DNAJB6: variants seen among roughly 807,000 people sequenced by gnomAD.
DNAJB6 encodes dnaJ homolog subfamily B member 6.
DNAJB6 carries 16 observed loss-of-function variants against 42.7 expected under a neutral mutation model. That is an observed-to-expected ratio of 0.37 (90% CI 0.25 to 0.57). The LOEUF (loss-of-function observed/expected upper bound fraction) is 0.57, where lower values mean the gene tolerates loss of function less well. DNAJB6 is among the 20% of genes least tolerant of loss of function. The pLI, the probability that DNAJB6 is intolerant of heterozygous loss-of-function variation, is 0.74. For missense variants in DNAJB6, 347 were observed against 416.8 expected (o/e 0.83, Z 1.46); for synonymous variants, 170 against 163.5 (o/e 1.04, Z -0.30).
At chr7:157,376,324 C>T (rs1800470254) in intron 5 of DNAJB6, among the ~76,000 whole-genome samples, 3 of 152,000 alleles carry the variant, frequency 2.0e-5, no homozygotes, top group African/African-American at 2.4e-5. Flanking sequence ...AGTTTAGTAT[C>T]TTGTTAATGT....
intron 7 of DNAJB6, 26 bp from the exon 8 acceptor site, chr7:157,385,515 T>C (rs1301371389): frequency 6.2e-7 from 1 of 1,608,134 alleles, no homozygotes; most frequent in South Asian, 1.1e-5. Context: ...ACCAGAAAGG[T>C]TTTTAAATGA....
chr7:157,411,324 T>G (rs1241137481), intron 9 of DNAJB6: 2 of 140,650 alleles, frequency 1.4e-5, no homozygotes, highest in Admixed American at 7.0e-5. Flanking sequence ...TGGGGGAGAC[T>G]CCCCACGGTT....
intron 1 of DNAJB6, among the ~76,000 whole-genome samples, chr7:157,346,064 T>C (rs2116875486): frequency 6.6e-6 from 1 of 152,092 alleles, no homozygotes; most frequent in Non-Finnish European, 1.5e-5. Context: ...ACCTGTTTTC[T>C]GTAATGTGCA....
chr7:157,357,612 G>C (rs1799377268), intron 1 of DNAJB6, among the ~76,000 whole-genome samples: 1 of 151,990 alleles, frequency 6.6e-6, no homozygotes, highest in African/African-American at 2.4e-5. Context: ...GCCCGGCTGT[G>C]CAGATTCTTG....
chr7:157,408,805 CTTGCGGGG>C (rs2116638828), intron 8 of DNAJB6, among the ~76,000 whole-genome samples: 1 of 152,380 alleles, frequency 6.6e-6, no homozygotes, highest in Admixed American at 6.5e-5. Flanking sequence ...CTCCTCAGTG[CTTGCGGGG>C]AAGCGAGGAG....
intron 2 of DNAJB6, among the ~76,000 whole-genome samples, chr7:157,362,692 C>T (rs1020682242): frequency 2.6e-5 from 4 of 152,152 alleles, no homozygotes; most frequent in Admixed American, 2.6e-4. Context: ...CACATACTTG[C>T]TCAGTCTTGT....
intron 8 of DNAJB6, among the ~76,000 whole-genome samples, chr7:157,387,002 TTGAC>T (rs575059614): frequency 7.3e-4 from 108 of 148,486 alleles, no homozygotes; most frequent in Admixed American, 4.8e-3. Flanking sequence ...GAACTAGACT[TTGAC>T]TGAATTTGAA....
chr7:157,370,615 A>AC (rs142071911), intron 5 of DNAJB6: 7,003 of 152,520 alleles, frequency 0.046, 229 homozygotes, highest in Middle Eastern at 0.14. Context: ...GTGAGTTTTT[A>AC]CCCCTAGTCC....
At chr7:157,338,582 C>A (rs1798172666) in intron 1 of DNAJB6, among the ~76,000 whole-genome samples, 1 of 152,232 alleles carries the variant, frequency 6.6e-6, no homozygotes, top group Non-Finnish European at 1.5e-5. Context: ...TGATCGCCTG[C>A]CTCGGCCTCC....
chr7:157,394,780 G>A (rs1369113203), intron 8 of DNAJB6, among the ~76,000 whole-genome samples: 4 of 152,082 alleles, frequency 2.6e-5, no homozygotes, highest in African/African-American at 9.7e-5. Flanking sequence ...TTTTGTCCCC[G>A]CCTCTCAGCG....
In DNAJB6 at chr7:157,358,559, C is replaced by G. The variant is rs766503867; in HGVS notation, c.-14C>G. On this transcript the variant is annotated 5_prime_UTR_variant, in exon 2 of 10. Coordinates refer to ENST00000262177, the MANE Select transcript of DNAJB6 (RefSeq NM_058246.4). ...TTTTTACTTGCAGGACCCATTCCAA[C>G]AATCTCGTAAAACATGGTGGATTAC... 3.7e-6 allele frequency: 6 copies of G among 1,611,808 alleles called. No individual in the cohort carries two copies. In the African/African-American group the frequency reaches 8.0e-5, roughly 22 times the overall value.
chr7:157,402,641 C>G, intron 8 of DNAJB6, among the ~76,000 whole-genome samples: 1 of 152,200 alleles, frequency 6.6e-6, no homozygotes, highest in East Asian at 1.9e-4. Flanking sequence ...GTGGGAGTGG[C>G]AGGAGAAGTA....
chr7:157,416,663 T>A lies in DNAJB6; in HGVS notation c.*565T>A, dbSNP rs1796112375. ...CAGATGTAAAATCATTCCTTCTGTT[T>A]ACTCTTTTAATTTTCATCCTTTGCA... On this transcript the variant is annotated 3_prime_UTR_variant, in exon 10 of 10. Transcript: ENST00000262177. 1 of 152,306 alleles carries A rather than the reference T, an allele frequency of 6.6e-6. No individual in the cohort carries two copies. Among genetic ancestry groups the A allele is most frequent in the African/African-American group, 2.4e-5 (1 of 41,468 alleles). The allele number at this position is 152,306 out of a possible 1,614,324, so 9.4% of individuals were successfully genotyped here.
intron 1 of DNAJB6, among the ~76,000 whole-genome samples, chr7:157,343,513 G>T (rs754736364): frequency 1.3e-5 from 2 of 151,920 alleles, no homozygotes; most frequent in Non-Finnish European, 2.9e-5. Flanking sequence ...CTGTTGCCCC[G>T]GCTGGAGTGC....
intron 5 of DNAJB6, chr7:157,379,603 C>CCT (rs1361171471): frequency 6.6e-6 from 1 of 152,198 alleles, no homozygotes; most frequent in Non-Finnish European, 1.5e-5. Flanking sequence ...CCTGCCTCAG[C>CCT]CTCCCAAGGA....
intron 8 of DNAJB6, among the ~76,000 whole-genome samples, chr7:157,396,279 G>A (rs1346082999): frequency 6.6e-6 from 1 of 152,152 alleles, no homozygotes; most frequent in Non-Finnish European, 1.5e-5. Context: ...TAATGATTAA[G>A]TGGGCAACAG....
At chr7:157,384,754 C>G in intron 6 of DNAJB6, 113 bp from the exon 7 acceptor site, 1 of 1,077,282 alleles carries the variant, frequency 9.3e-7, no homozygotes, top group Non-Finnish European at 1.4e-6. Flanking sequence ...TTTATTACTC[C>G]TCGGTTCTAT....
intron 5 of DNAJB6, among the ~76,000 whole-genome samples, chr7:157,377,484 G>A (rs1228121594): frequency 6.6e-6 from 1 of 152,148 alleles, no homozygotes; most frequent in South Asian, 2.1e-4. Flanking sequence ...CATGAGTCTA[G>A]AGAAACTGCC....
intron 9 of DNAJB6, chr7:157,413,946 T>C (rs1440565733): frequency 2.6e-5 from 4 of 152,234 alleles, no homozygotes; most frequent in African/African-American, 9.7e-5. Flanking sequence ...GCTCTCGAAC[T>C]CCTGACCTCA....
Sources: gnomAD v4.1 joint callset for allele counts (sites outside exome capture counted in the v4.1 genomes callset) on GRCh38, gnomAD v4.1.1 for gene constraint, MANE v1.5 for transcripts, NCBI Gene and HGNC (gene_info 2026-07-23, HGNC 2026-07-21) for gene names.